The following FSIP2 variants were observed in gnomAD, a reference collection of about 807,000 sequenced individuals.
FSIP2 encodes fibrous sheath-interacting protein 2.
In FSIP2, 367 loss-of-function variants were observed where a neutral mutation model predicts 510.5. The observed-to-expected ratio is 0.72, with a 90% CI of 0.66 to 0.78. The LOEUF is 0.78. FSIP2 is among the 30% of genes least tolerant of loss of function. The pLI is 0.00. For synonymous variants in FSIP2, 2,601 were observed against 2,732.2 expected, an observed-to-expected ratio of 0.95 and a Z score of 1.50; for missense variants, 7,594 against 7,901.7, an observed-to-expected ratio of 0.96 and a Z score of 1.48.
At position 185,833,277 on chromosome 2, in the gene FSIP2, G is replaced by A. The variant is rs779602251; in HGVS notation, c.*51G>A. The A allele has an allele frequency of 2.0e-6, 3 of 1,472,854 alleles. No individual in the cohort carries two copies. The South Asian group carries it at 3.7e-5, about 18-fold the overall frequency. 91.2% of individuals were successfully genotyped at this position (1,472,854 alleles called of 1,614,324 possible). A position where few individuals can be genotyped will look rare whatever the true frequency, so the allele number is the denominator to read the frequency against. The stretch of plus-strand genomic sequence containing the variant: ...CTTACTTCTTTTAGAAAATAAAATG[G>A]TTTTTAAAGCATAGTATAGCGTCTT... On this transcript the variant is annotated 3_prime_UTR_variant, in exon 23 of 23. Coordinates refer to ENST00000424728, the MANE Select transcript of FSIP2 (RefSeq NM_173651.4).
chr2:185,815,556 T>C (rs948819406), intron 19 of FSIP2, 85 bp downstream of exon 19: 12 of 573,104 alleles, frequency 2.1e-5, no homozygotes, highest in South Asian at 7.9e-5. Flanking sequence ...AAAACTGTAA[T>C]TGAGCAAGTA....
intron 13 of FSIP2, among the ~76,000 whole-genome samples, chr2:185,771,585 A>G (rs1692609451): frequency 6.6e-6 from 1 of 152,212 alleles, no homozygotes; most frequent in Admixed American, 6.5e-5. Flanking sequence ...GCAGAGGATC[A>G]GTTTCCTGGG....
rs1045921128 is a variant in FSIP2 at position 185,793,186 on chromosome 2, A to G, written c.6050A>G (p.Glu2017Gly). Residue 2017 changes from glutamate to glycine, a missense_variant, in exon 16 of 23, where the codon GAA becomes GGA. Glu to Gly is a moderately conservative substitution (Grantham distance 98). Transcript: ENST00000424728. Reference protein sequence around the residue: ...ARRNLQGIKQELDKERENPFL... With the variant: ...ARRNLQGIKQGLDKERENPFL... Reference sequence around the variant, plus strand: ...AGAAATTTACAAGGAATCAAACAGGAATTAGATAAAGAAAGGGAAAATCCT... The same window carrying G: ...AGAAATTTACAAGGAATCAAACAGGGATTAGATAAAGAAAGGGAAAATCCT... The G allele has an allele frequency of 1.8e-5, 27 of 1,533,954 alleles. No homozygotes were observed. The highest frequency in any genetic ancestry group is 2.0e-5 in the Non-Finnish European group (23 of 1,145,458).
In FSIP2 at chr2:185,738,969, C is replaced by T. The variant is rs1246798106; in HGVS notation, c.75C>T (p.Ala25=). 2 of 1,533,626 alleles carry T rather than the reference C, an allele frequency of 1.3e-6. No homozygotes were observed. Among genetic ancestry groups the T allele is most frequent in the East Asian group, 2.4e-5 (1 of 40,896 alleles). ...AVTKTVASVL[A]ADTQQCRDGV... ...CCAAGACGGTCGCCAGCGTCCTGGC[C>T]GCGGACACCCAGCAGTGCAGAGACG... Residue 25 remains alanine (A), a synonymous_variant, in exon 1 of 23, where the codon GCC becomes GCT. Coordinates refer to ENST00000424728, the MANE Select transcript of FSIP2 (RefSeq NM_173651.4).
At position 185,789,285 on chromosome 2, in the gene FSIP2, T is replaced by C; in HGVS notation, c.2149T>C (p.Ser717Pro). The change falls in exon 16 of 23, where the codon TCT (serine) becomes CCT (proline). Residue 717 changes from serine (S) to proline (P), a missense_variant. Physicochemically the swap from Ser to Pro is moderately conservative, Grantham distance 74 (BLOSUM62 -1). Coordinates refer to ENST00000424728, the MANE Select transcript of FSIP2 (RefSeq NM_173651.4). ...AGAAAGCATTTTGCGAGAAATAATG[T>C]CTGATTTAACCCAGGCCATTCCCTC... ...ILESILREIMSDLTQAIPSLS... is the reference protein window; with the variant it reads ...ILESILREIMPDLTQAIPSLS... The C allele has an allele frequency of 3.9e-6, 6 of 1,534,654 alleles. No homozygotes were observed. Among genetic ancestry groups the C allele is most frequent in the Non-Finnish European group, 5.2e-6 (6 of 1,145,928 alleles).
At position 185,802,537 on chromosome 2, in the gene FSIP2, G is replaced by C. The variant is rs1207598000; in HGVS notation, c.13231G>C (p.Ala4411Pro). The C allele has an allele frequency of 2.0e-6, 3 of 1,530,738 alleles. No individual in the cohort carries two copies. The Admixed American group carries it at 6.0e-5, about 30-fold the overall frequency. 94.8% of individuals were successfully genotyped at this position (1,530,738 alleles called of 1,614,324 possible). A position where few individuals can be genotyped will look rare whatever the true frequency, so the allele number is the denominator to read the frequency against. Residue 4411 changes from alanine to proline, a missense_variant, in exon 17 of 23, where the codon GCA becomes CCA. Coordinates refer to ENST00000424728, the MANE Select transcript of FSIP2 (RefSeq NM_173651.4). ...FVENITNLIVAAISDYLLHPL... is the reference protein window; with the variant it reads ...FVENITNLIVPAISDYLLHPL... ...GGAAAATATTACCAATTTAATTGTA[G>C]CAGCTATTTCAGATTACCTTCTTCA... is the stretch of plus-strand genomic sequence containing the variant.
intron 13 of FSIP2, among the ~76,000 whole-genome samples, chr2:185,777,336 T>A (rs1293035228): frequency 1.3e-5 from 2 of 152,074 alleles, no homozygotes; most frequent in Non-Finnish European, 2.9e-5. Context: ...AAAATCAAAT[T>A]ATATCTTCTG....
intron 13 of FSIP2, among the ~76,000 whole-genome samples, chr2:185,781,184 TAAAC>T (rs2105593557): frequency 6.6e-6 from 1 of 152,178 alleles, no homozygotes; most frequent in Non-Finnish European, 1.5e-5. Context: ...GTAAAAGCAA[TAAAC>T]ATTCAATAGA....
rs1386697298 is a variant in FSIP2, at chr2:185,796,647, T to C, written c.9511T>C (p.Leu3171=). The C allele has an allele frequency of 6.5e-7, 1 of 1,535,010 alleles. No homozygotes were observed. The highest frequency in any genetic ancestry group is 8.7e-7 in the Non-Finnish European group (1 of 1,146,216). Residue 3171 remains leucine (L), a synonymous_variant, in exon 16 of 23, where the codon TTA becomes CTA. Transcript: ENST00000424728. ...TAATATGAAAATGTTCACATCAAAG[T>C]TAAAGGAAGGTAGTTTGGGGATTAA... ...ATNMKMFTSK[L]KEGSLGINPS...
At chr2:185,773,434 T>C (rs186152925) in intron 13 of FSIP2, among the ~76,000 whole-genome samples, 2 of 152,304 alleles carry the variant, frequency 1.3e-5, no homozygotes, top group East Asian at 3.9e-4. Context: ...AATTTATTCT[T>C]TCACTTTGAC....
chr2:185,808,975 G>C lies in FSIP2; in HGVS notation c.19669G>C (p.Glu6557Gln). 2 of 1,611,882 alleles carry C rather than the reference G, an allele frequency of 1.2e-6. No homozygotes were observed. Among genetic ancestry groups the C allele is most frequent in the Non-Finnish European group, 1.7e-6 (2 of 1,179,258 alleles). ...KTQPLEKLKQ[E>Q]CLKRTGHSIA... The stretch of plus-strand genomic sequence containing the variant: ...TCAACCTCTTGAGAAACTTAAGCAG[G>C]AGTGTTTGAAAAGAACTGGACATAG... Residue 6557 changes from glutamate to glutamine, a missense_variant, in exon 17 of 23, where the codon GAG becomes CAG. Coordinates refer to ENST00000424728, the MANE Select transcript of FSIP2 (RefSeq NM_173651.4).
At chr2:185,815,627 A>G (rs1693811702) in intron 19 of FSIP2, among the ~76,000 whole-genome samples, 156 bp downstream of exon 19, 2 of 152,080 alleles carry the variant, frequency 1.3e-5, no homozygotes, top group African/African-American at 4.8e-5. Flanking sequence ...GAATAATTCC[A>G]AAGCCACTTC....
In FSIP2 at chr2:185,805,028, A is replaced by T. The variant is rs765236708; in HGVS notation, c.15722A>T (p.His5241Leu). The T allele has an allele frequency of 3.1e-6, 5 of 1,594,980 alleles. No individual in the cohort carries two copies. In the South Asian group the frequency reaches 4.5e-5, roughly 14 times the overall value. Residue 5241 changes from histidine to leucine, a missense_variant, in exon 17 of 23, where the codon CAT becomes CTT. By Grantham distance (99) the His-to-Leu change is moderately conservative. Transcript: ENST00000424728. The stretch of plus-strand genomic sequence containing the variant: ...TATCATCATTTACAGCCATTTTTAC[A>T]TGGTGAAGAATCATCTTTCAGTGAC... The part of the protein sequence containing the change: ...IMYHHLQPFL[H>L]GEESSFSDLS...
intron 21 of FSIP2, among the ~76,000 whole-genome samples, chr2:185,828,475 T>A (rs578016105): frequency 6.6e-6 from 1 of 151,948 alleles, no homozygotes; most frequent in African/African-American, 2.4e-5. Context: ...TAAGTACAAT[T>A]CTGTTTATTA....
At position 185,791,457 on chromosome 2, in the gene FSIP2, C is replaced by T. The variant is rs1469191259; in HGVS notation, c.4321C>T (p.His1441Tyr). ...QVLERIGETL[H>Y]EMLSKLLGTH... The stretch of plus-strand genomic sequence containing the variant: ...GTTAGAAAGAATTGGGGAAACACTA[C>T]ATGAAATGTTAAGCAAGCTCCTGGG... Residue 1441 changes from histidine to tyrosine, a missense_variant, in exon 16 of 23, where the codon CAT becomes TAT. Transcript: ENST00000424728. 6.5e-7 allele frequency: 1 copy of T among 1,534,140 alleles called. No homozygotes were observed. Among genetic ancestry groups the T allele is most frequent in the Non-Finnish European group, 8.7e-7 (1 of 1,145,558 alleles).
intron 9 of FSIP2, among the ~76,000 whole-genome samples, chr2:185,758,485 A>G (rs1327154975): frequency 1.3e-5 from 2 of 151,376 alleles, no homozygotes; most frequent in African/African-American, 2.4e-5. Context: ...AATAAAGTAA[A>G]CTATAGAAAA....
intron 13 of FSIP2, among the ~76,000 whole-genome samples, chr2:185,778,249 G>T (rs181076553): frequency 6.6e-6 from 1 of 152,014 alleles, no homozygotes; most frequent in Admixed American, 6.5e-5. Context: ...ATGCATGTTA[G>T]TTTGGCCAAG....
In FSIP2 at chr2:185,793,275, G is replaced by C. The variant is rs1230551062; in HGVS notation, c.6139G>C (p.Asp2047His). 1 of 1,534,086 alleles carries C rather than the reference G, an allele frequency of 6.5e-7. No homozygotes were observed. Among genetic ancestry groups the C allele is most frequent in the Non-Finnish European group, 8.7e-7 (1 of 1,145,578 alleles). The change falls in exon 16 of 23, where the codon GAC (aspartate) becomes CAC (histidine). Residue 2047 changes from aspartate (D) to histidine (H), a missense_variant. Transcript: ENST00000424728. ...AAGTCAAATTGTTAACGCATTGTTA[G>C]ACATTATATCACGTAAAGGCAAATG... is the stretch of plus-strand genomic sequence containing the variant. ...IASQIVNALL[D>H]IISRKGKCDK...
At position 185,792,670 on chromosome 2, in the gene FSIP2, A is replaced by G. The variant is rs1693166322; in HGVS notation, c.5534A>G (p.Asn1845Ser). The change falls in exon 16 of 23, where the codon AAT (asparagine) becomes AGT (serine). Residue 1845 changes from asparagine (N) to serine (S), a missense_variant. Coordinates refer to ENST00000424728, the MANE Select transcript of FSIP2 (RefSeq NM_173651.4). ...SEADITIVTDNIVRTVFHKLY... is the reference protein window; with the variant it reads ...SEADITIVTDSIVRTVFHKLY... Reference sequence around the variant, plus strand: ...GCAGATATAACCATAGTAACAGATAATATTGTTAGGACTGTATTTCACAAA... The same window carrying G: ...GCAGATATAACCATAGTAACAGATAGTATTGTTAGGACTGTATTTCACAAA... 6.5e-7 allele frequency: 1 copy of G among 1,533,064 alleles called. No homozygotes were observed. Among genetic ancestry groups the G allele is most frequent in the Non-Finnish European group, 8.7e-7 (1 of 1,144,590 alleles). 95.0% of individuals were successfully genotyped at this position (1,533,064 alleles called of 1,614,324 possible).
Sources: gnomAD v4.1 joint callset for allele counts (sites outside exome capture counted in the v4.1 genomes callset) on GRCh38, gnomAD v4.1.1 for gene constraint, MANE v1.5 for transcripts, NCBI Gene and HGNC (gene_info 2026-07-23, HGNC 2026-07-21) for gene names.